The following ATAD3A variants were observed in gnomAD, a reference collection of about 807,000 sequenced individuals.
ATAD3A encodes the protein ATPase family AAA domain containing 3A.
ATAD3A carries 46 observed loss-of-function variants against 73.8 expected under a neutral mutation model. The observed-to-expected ratio is 0.62, with a 90% CI of 0.49 to 0.80. The LOEUF is 0.80. ATAD3A is among the 30% of genes least tolerant of loss of function. ATAD3A has a pLI of 0.00. For missense variants in ATAD3A, 705 were observed against 838.0 expected (o/e 0.84, Z 1.96); for synonymous variants, 319 against 350.0 (o/e 0.91, Z 0.99).
chr1:1,530,186 GCTGAGGTCT>G (rs1641988026), intron 15 of ATAD3A, among the ~76,000 whole-genome samples: 1 of 152,214 alleles, frequency 6.6e-6, no homozygotes, highest in Non-Finnish European at 1.5e-5. Flanking sequence ...TTGTGGGTCA[GCTGAGGTCT>G]CTGTTCCAGG....
At chr1:1,522,575 C>T (rs1224702892) in intron 7 of ATAD3A, among the ~76,000 whole-genome samples, 169 bp from the exon 8 acceptor site, 3 of 152,216 alleles carry the variant, frequency 2.0e-5, no homozygotes, top group Non-Finnish European at 4.4e-5. Context: ...CTCCTGTAAC[C>T]GCGTGGCTGT....
At chr1:1,527,137 TC>T (rs1225990659) in intron 13 of ATAD3A, 88 of 1,298,120 alleles carry the variant, frequency 6.8e-5, no homozygotes, top group Non-Finnish European at 8.9e-5. Flanking sequence ...TTTTGAGTTT[TC>T]TTGGTCTCCT....
Position 1,520,037 on chromosome 1 carries a change from G to A in ATAD3A, c.515-104G>A, listed in dbSNP as rs553805123. 131 of 1,496,520 alleles carry A rather than the reference G, an allele frequency of 8.8e-5. 4 individuals carry two copies. The South Asian group carries it at 1.2e-3, about 14-fold the overall frequency. The allele number at this position is 1,496,520 out of a possible 1,614,324, so 92.7% of individuals were successfully genotyped here. A position where few individuals can be genotyped will look rare whatever the true frequency, so the allele number is the denominator to read the frequency against. On this transcript the variant is annotated intron_variant, in intron 5 of 15. Coordinates refer to ENST00000378756, the MANE Select transcript of ATAD3A (RefSeq NM_001170535.3). This position sits in a 1 kb window ranked among gnomAD's most constrained non-coding sequence, Gnocchi z 4.0. Reference sequence around the variant, plus strand: ...ATGGGCCTGTCTGTGGCGTTGGTCTGTCCGTGGCGTGGGCCGGTCCGTGGC... The same window carrying A: ...ATGGGCCTGTCTGTGGCGTTGGTCTATCCGTGGCGTGGGCCGGTCCGTGGC...
chr1:1,521,890 G>C (rs1377978535), intron 7 of ATAD3A, among the ~76,000 whole-genome samples: 1 of 151,902 alleles, frequency 6.6e-6, no homozygotes, highest in Non-Finnish European at 1.5e-5. Context: ...CACCAGGCCC[G>C]GCCAATTTTT....
chr1:1,515,225 C>T (rs140927356), intron 1 of ATAD3A, among the ~76,000 whole-genome samples: 3 of 152,144 alleles, frequency 2.0e-5, no homozygotes, highest in African/African-American at 4.8e-5. Flanking sequence ...TACAGGCGTC[C>T]GCCACTGCGC....
intron 1 of ATAD3A, among the ~76,000 whole-genome samples, chr1:1,514,704 T>C (rs1403216031): frequency 6.6e-6 from 1 of 152,152 alleles, no homozygotes; most frequent in Non-Finnish European, 1.5e-5. Flanking sequence ...ACACCTGAGC[T>C]GAGAACAGAC....
intron 7 of ATAD3A, 117 bp from the exon 8 acceptor site, chr1:1,522,627 C>T (rs916217138): frequency 1.5e-5 from 23 of 1,537,904 alleles, no homozygotes; most frequent in South Asian, 2.5e-5. Context: ...GGGGCCAGTG[C>T]ACGGCCCTGT....
Position 1,516,141 on chromosome 1 carries a change from A to G in ATAD3A, c.282+53A>G, listed in dbSNP as rs2478793. ...GCCGGGGCGCACATGGGGTTCGGGC[A>G]TGGAGATTGGTAGGGCTACTGCCGG... On this transcript the variant is annotated intron_variant, in intron 2 of 15. Transcript: ENST00000378756. 6.0e-4 allele frequency: 962 copies of G among 1,609,678 alleles called. 1 individual carries two copies. The highest frequency in any genetic ancestry group is 1.3e-3 in the Admixed American group (75 of 59,670).
In ATAD3A at chr1:1,517,425, G is replaced by A; in HGVS notation, c.384+13G>A. 6.6e-7 allele frequency: 1 copy of A among 1,503,870 alleles called. No homozygotes were observed. Among genetic ancestry groups the A allele is most frequent in the Middle Eastern group, 2.3e-4 (1 of 4,264 alleles). 93.2% of individuals were successfully genotyped at this position (1,503,870 alleles called of 1,614,324 possible). A position where few individuals can be genotyped will look rare whatever the true frequency, so the allele number is the denominator to read the frequency against. On this transcript the variant is annotated intron_variant, in intron 3 of 15. Coordinates refer to ENST00000378756, the MANE Select transcript of ATAD3A (RefSeq NM_001170535.3). The stretch of plus-strand genomic sequence containing the variant: ...GCAGCACCAGGCCGTAAGAGCGCAA[G>A]AGGCCGCGAGGGAGGCCGCCCGGCT...
intron 13 of ATAD3A, chr1:1,527,175 C>G: frequency 7.7e-7 from 1 of 1,302,896 alleles, no homozygotes; most frequent in Non-Finnish European, 1.0e-6. Context: ...AGTCACGTGT[C>G]ACACGGAGGA....
Position 1,518,621 on chromosome 1 carries a change from A to ACTCC in ATAD3A, c.445-299_445-298insTCCC, listed in dbSNP as rs1553125091. ...CACACACCCACACACGGGCGTACACACCCCCCCCCACAGGCACGCACAACC... is the reference window on the plus strand; with the variant it reads ...CACACACCCACACACGGGCGTACACACTCCCCCCCCCCCACAGGCACGCACAACC... On this transcript the variant is annotated intron_variant, in intron 4 of 15. Coordinates refer to ENST00000378756, the MANE Select transcript of ATAD3A (RefSeq NM_001170535.3). 4.9e-3 allele frequency among the ~76,000 whole-genome samples: 186 copies of ACTCC among 38,076 alleles called. 1 individual carries two copies. The highest frequency in any genetic ancestry group is 0.025 in the African/African-American group (129 of 5,216). The allele number at this position is 38,076 out of a possible 152,430, so 25.0% of individuals were successfully genotyped here.
In ATAD3A at chr1:1,518,310, A is replaced by G. The variant is rs1231343290; in HGVS notation, c.444+535A>G. The stretch of plus-strand genomic sequence containing the variant: ...TACCCCCCCACACACACACAGGCGC[A>G]CACATACCCCCCACAGGCTCACTGG... On this transcript the variant is annotated intron_variant, in intron 4 of 15. Transcript: ENST00000378756. Among the ~76,000 whole-genome samples the G allele has an allele frequency of 2.9e-5, 3 of 103,160 alleles. No homozygotes were observed. The East Asian group carries it at 1.1e-3, about 37-fold the overall frequency. 67.7% of individuals were successfully genotyped at this position (103,160 alleles called of 152,430 possible).
At chr1:1,532,001 C>A (rs1642049632) in intron 15 of ATAD3A, among the ~76,000 whole-genome samples, 1 of 152,218 alleles carries the variant, frequency 6.6e-6, no homozygotes, top group South Asian at 2.1e-4. Context: ...GAATGCTTTT[C>A]CTGCATCAGA....
Position 1,523,618 on chromosome 1 carries a change from C to A in ATAD3A, c.963+51C>A. The A allele has an allele frequency of 6.2e-7, 1 of 1,610,278 alleles. No homozygotes were observed. ...GAGGCGCAGGGAGGGGACCCTGGAG[C>A]TGGGCCGGGCTGTGGCCCTTGCTGG... On this transcript the variant is annotated intron_variant, in intron 9 of 15. Transcript: ENST00000378756. This position sits in a 1 kb window ranked among gnomAD's most constrained non-coding sequence, Gnocchi z 5.1.
chr1:1,530,363 A>G (rs1641993340), intron 15 of ATAD3A, among the ~76,000 whole-genome samples: 1 of 152,188 alleles, frequency 6.6e-6, no homozygotes, highest in South Asian at 2.1e-4. Context: ...GCAAGACCCC[A>G]TCTCTACAAA....
chr1:1,525,232 G>A lies in ATAD3A; in HGVS notation c.1215-8G>A, dbSNP rs746922606. The A allele has an allele frequency of 3.9e-5, 63 of 1,613,564 alleles. No homozygotes were observed. The highest frequency in any genetic ancestry group is 1.7e-4 in the Admixed American group (10 of 59,976). ...TCTCGCCCTGCTTGGCCTCCCTCTC[G>A]TTCACAGCCTCCTGCTCTTTGTGGA... On this transcript the variant is annotated splice_polypyrimidine_tract_variant and splice_region_variant and intron_variant, in intron 11 of 15. Transcript: ENST00000378756.
rs1245708729 is a variant in ATAD3A, at chr1:1,522,852, G to C, written c.859G>C (p.Glu287Gln). The C allele has an allele frequency of 3.7e-6, 6 of 1,610,304 alleles. No individual in the cohort carries two copies. Among genetic ancestry groups the C allele is most frequent in the Non-Finnish European group, 4.2e-6 (5 of 1,179,724 alleles). Residue 287 changes from glutamate (E) to glutamine (Q), a missense_variant, in exon 8 of 16, where the codon GAG (glutamate) becomes CAG (glutamine). By Grantham distance (29) the Glu-to-Gln change is conservative (BLOSUM62 2). Around this residue, in one of 5 missense-constraint regions of ATAD3A, gnomAD observed 315 missense variants for 334.1 expected, o/e 0.94. Coordinates refer to ENST00000378756, the MANE Select transcript of ATAD3A (RefSeq NM_001170535.3). ...GCTGGGGAAGCCGTCCCTAGTGAGG[G>C]AGACGTCCCGCATCACGGTGCTTGA... ...ARLGKPSLVR[E>Q]TSRITVLEAL...
intron 15 of ATAD3A, among the ~76,000 whole-genome samples, chr1:1,530,203 A>G (rs1419782122): frequency 2.6e-5 from 4 of 152,202 alleles, no homozygotes. Flanking sequence ...TCTCTGTTCC[A>G]GGCCATCCCC....
chr1:1,531,898 C>G (rs1369237022), intron 15 of ATAD3A, among the ~76,000 whole-genome samples: 4 of 151,924 alleles, frequency 2.6e-5, no homozygotes, highest in Non-Finnish European at 4.4e-5. Context: ...TGATCTGCCC[C>G]CTTTGTCCTC....
Sources: gnomAD v4.1 joint callset for allele counts (sites outside exome capture counted in the v4.1 genomes callset) on GRCh38, gnomAD v4.1.1 for gene constraint, gnomAD v4.1.1 regional missense constraint, Gnocchi (gnomAD v3.1) non-coding constraint, MANE v1.5 for transcripts, NCBI Gene and HGNC (gene_info 2026-07-23, HGNC 2026-07-21) for gene names.